The following PCNX2 variants were observed in gnomAD, a reference collection of about 807,000 sequenced individuals.
The protein encoded by PCNX2 is pecanex-like protein 2.
In PCNX2, 168 loss-of-function variants were observed where a neutral mutation model predicts 223.8. The observed-to-expected ratio is 0.75, with a 90% CI of 0.66 to 0.85. PCNX2 has a LOEUF of 0.85. PCNX2 is among the 40% of genes least tolerant of loss of function. The pLI is 0.00. For missense variants in PCNX2, 2,507 were observed against 2,675.5 expected (o/e 0.94, Z 1.39); for synonymous variants, 1,006 against 1,052.6 (o/e 0.96, Z 0.86).
At chr1:233,315,835 C>T in the PCNX2 span, among the ~76,000 whole-genome samples, 7 of 151,902 alleles carry the variant, frequency 4.6e-5, no homozygotes, top group African/African-American at 1.5e-4. Context: ...AATCTTTGTC[C>T]TCTGTGTCCT....
chr1:233,118,678 TAA>T (rs1257982781), intron 21 of PCNX2, among the ~76,000 whole-genome samples: 4 of 152,114 alleles, frequency 2.6e-5, no homozygotes, highest in African/African-American at 7.2e-5. Flanking sequence ...GCAGAATTTA[TAA>T]GCTAAAAGTT....
At chr1:233,174,176 TA>T (rs1340804267) in intron 17 of PCNX2, among the ~76,000 whole-genome samples, 1 of 110,338 alleles carries the variant, frequency 9.1e-6, no homozygotes, top group African/African-American at 3.1e-5. Flanking sequence ...TATAGTATTA[TA>T]ATAAATATGT....
At chr1:233,178,374 T>C (rs1026866502) in intron 16 of PCNX2, among the ~76,000 whole-genome samples, 3 of 152,220 alleles carry the variant, frequency 2.0e-5, no homozygotes, top group Non-Finnish European at 4.4e-5. Context: ...TCAAAATCTT[T>C]CATAAATTTA....
At chr1:233,176,109 A>G (rs529755966) in intron 17 of PCNX2, among the ~76,000 whole-genome samples, 1 of 152,264 alleles carries the variant, frequency 6.6e-6, no homozygotes, top group East Asian at 1.9e-4. Flanking sequence ...TGTCATTCCT[A>G]AGAAAACCAG....
At chr1:233,152,501 TA>T (rs1176571441) in intron 19 of PCNX2, among the ~76,000 whole-genome samples, 6 of 152,222 alleles carry the variant, frequency 3.9e-5, no homozygotes, top group African/African-American at 1.4e-4. Flanking sequence ...GACCCCTGCA[TA>T]GTTTTATGTT....
intron 22 of PCNX2, among the ~76,000 whole-genome samples, chr1:233,092,695 T>C (rs1673930775): frequency 6.6e-6 from 1 of 152,240 alleles, no homozygotes; most frequent in Non-Finnish European, 1.5e-5. Flanking sequence ...CCCTCTTTAT[T>C]TCTTTCTAAG....
intron 15 of PCNX2, among the ~76,000 whole-genome samples, chr1:233,189,679 C>T (rs1239214096): frequency 6.6e-6 from 1 of 152,120 alleles, no homozygotes; most frequent in African/African-American, 2.4e-5. Context: ...AGAAGAAATA[C>T]AGGAAAAGCT....
intron 1 of PCNX2, among the ~76,000 whole-genome samples, chr1:233,278,686 G>A (rs1025442095): frequency 5.9e-5 from 9 of 152,254 alleles, no homozygotes; most frequent in Admixed American, 5.9e-4. Context: ...GTTCTTCATA[G>A]CTGGAGACAC....
At chr1:233,172,604 C>A in intron 17 of PCNX2, 1 of 935,368 alleles carries the variant, frequency 1.1e-6, no homozygotes, top group Non-Finnish European at 1.3e-6. Flanking sequence ...CCCACCTGGG[C>A]TTCAATTCCT....
intron 28 of PCNX2, among the ~76,000 whole-genome samples, chr1:233,014,259 T>C (rs1426028310): frequency 1.3e-5 from 2 of 152,170 alleles, no homozygotes; most frequent in Admixed American, 1.3e-4. Flanking sequence ...GGGTCTGGAC[T>C]AGAGCTCAGA....
intron 1 of PCNX2, among the ~76,000 whole-genome samples, chr1:233,276,714 A>G (rs1660933125): frequency 6.6e-6 from 1 of 152,226 alleles, no homozygotes; most frequent in Non-Finnish European, 1.5e-5. Context: ...CACTGCCCAG[A>G]GTAAGCTACA....
chr1:233,200,092 T>C (rs575661967), intron 14 of PCNX2, 62 bp downstream of exon 14: 185 of 1,294,696 alleles, frequency 1.4e-4, no homozygotes, highest in Admixed American at 3.7e-4. Context: ...TGCCTAAGGC[T>C]ATTTAGTCCT....
chr1:233,177,171 G>A (rs1679522938), intron 17 of PCNX2, among the ~76,000 whole-genome samples: 2 of 152,172 alleles, frequency 1.3e-5, no homozygotes, highest in Non-Finnish European at 2.9e-5. Flanking sequence ...TCTGCTAGCC[G>A]TGATAAAGAA....
At chr1:233,276,352 A>G (rs991362070) in intron 1 of PCNX2, among the ~76,000 whole-genome samples, 1 of 152,166 alleles carries the variant, frequency 6.6e-6, no homozygotes, top group African/African-American at 2.4e-5. Flanking sequence ...TCTAACGGGA[A>G]TGGAATTTCA....
At chr1:233,237,746 A>G (rs1322923328) in intron 8 of PCNX2, among the ~76,000 whole-genome samples, 1 of 152,116 alleles carries the variant, frequency 6.6e-6, no homozygotes, top group Non-Finnish European at 1.5e-5. Context: ...ACATAACTCC[A>G]TTTTATTAAG....
chr1:233,012,882 G>A (rs554906666), intron 28 of PCNX2, among the ~76,000 whole-genome samples: 7 of 152,284 alleles, frequency 4.6e-5, no homozygotes, highest in East Asian at 1.9e-4. Flanking sequence ...CAGGTGCTAC[G>A]AATATCTCAA....
At chr1:233,169,644 C>CAAAAAAAAAAAAAAAAAAAA (rs200439765) in intron 17 of PCNX2, among the ~76,000 whole-genome samples, 20 of 68,854 alleles carry the variant, frequency 2.9e-4, no homozygotes, top group African/African-American at 1.1e-3. Flanking sequence ...AACTCCGTCT[C>CAAAAAAAAAAAAAAAAAAAA]AAAAAAAAAA....
At chr1:233,294,461 A>T (rs140226749) in intron 1 of PCNX2, among the ~76,000 whole-genome samples, 1 of 152,336 alleles carries the variant, frequency 6.6e-6, no homozygotes, top group East Asian at 1.9e-4. Flanking sequence ...ACAAATGTCA[A>T]ACTCGGAATC....
chr1:233,236,862 G>A lies in PCNX2; in HGVS notation c.2341C>T (p.Gln781Ter). 6.2e-7 allele frequency: 1 copy of A among 1,613,886 alleles called. No homozygotes were observed. Among genetic ancestry groups the A allele is most frequent in the Non-Finnish European group, 8.5e-7 (1 of 1,179,838 alleles). The stretch of plus-strand genomic sequence containing the variant: ...GTACGTACCCGTGGGGTTTCCGACT[G>A]GGTCCTGCGAGCCACCATCAGTAAC... ...QLLLMVARRT[Q>*]SETPRHVSQD... Residue 781 changes from glutamine to a stop codon, truncating the protein, a stop_gained, in exon 9 of 34, where the codon CAG becomes TAG. Coordinates refer to ENST00000258229, the MANE Select transcript of PCNX2 (RefSeq NM_014801.4). LOFTEE classifies it high-confidence loss of function.
Sources: gnomAD v4.1 joint callset for allele counts (sites outside exome capture counted in the v4.1 genomes callset) on GRCh38, gnomAD v4.1.1 for gene constraint, MANE v1.5 for transcripts, NCBI Gene and HGNC (gene_info 2026-07-23, HGNC 2026-07-21) for gene names.